LAMC2: variants seen among roughly 807,000 people sequenced by gnomAD.
The protein encoded by LAMC2 is laminin subunit gamma 2.
Under a neutral mutation model 140.2 loss-of-function variants are expected in LAMC2, and 97 were observed. The ratio of observed to expected loss-of-function variants is 0.69; its 90% confidence interval spans 0.59 to 0.82. LAMC2 has a LOEUF of 0.82. Ranked by LOEUF, LAMC2 falls within the 40% of genes least tolerant of loss-of-function variation. The pLI, the probability that LAMC2 is intolerant of heterozygous loss-of-function variation, is 0.00. For missense variants in LAMC2, 1,402 were observed against 1,476.1 expected, an observed-to-expected ratio of 0.95 and a Z score of 0.82; for synonymous variants, 513 against 540.2, an observed-to-expected ratio of 0.95 and a Z score of 0.70.
chr1:183,195,770 A>C (rs2477439), intron 1 of LAMC2, among the ~76,000 whole-genome samples: 47,243 of 152,010 alleles, frequency 0.31, 7,772 homozygotes, highest in East Asian at 0.43. Flanking sequence ...CTAGAAGCAG[A>C]TATTCACACA....
chr1:183,240,162 G>A lies in LAMC2; in HGVS notation c.3192G>A (p.Glu1064=), dbSNP rs1660087667. 6.2e-7 allele frequency: 1 copy of A among 1,614,232 alleles called. No individual in the cohort carries two copies. Among genetic ancestry groups the A allele is most frequent in the Non-Finnish European group, 8.5e-7 (1 of 1,180,040 alleles). Reference sequence around the variant, plus strand: ...TGGAAGGAGAGCTGGAAAGGAAGGAGCTGGAGTTTGACACGAATATGGATG... The same window carrying A: ...TGGAAGGAGAGCTGGAAAGGAAGGAACTGGAGTTTGACACGAATATGGATG... ...REVEGELERK[E]LEFDTNMDAV... The change falls in exon 21 of 23, where the codon GAG becomes GAA. Residue 1064 remains glutamate (E), a synonymous_variant. Transcript: ENST00000264144.
intron 3 of LAMC2, among the ~76,000 whole-genome samples, chr1:183,216,382 C>T (rs963030136): frequency 6.6e-6 from 1 of 152,202 alleles, no homozygotes; most frequent in African/African-American, 2.4e-5. Context: ...AAACATAACC[C>T]TCTGTTAGCT....
intron 6 of LAMC2, among the ~76,000 whole-genome samples, chr1:183,222,423 G>A (rs905241783): frequency 1.3e-5 from 2 of 152,162 alleles, no homozygotes; most frequent in Non-Finnish European, 2.9e-5. Flanking sequence ...TGGTGTCCCA[G>A]AGGTCAGACC....
rs1055390324 is a variant in LAMC2, at chr1:183,192,941, G to A, written c.79+6510G>A. Among the ~76,000 whole-genome samples the A allele has an allele frequency of 1.6e-4, 24 of 152,284 alleles. 1 individual carries two copies. Among genetic ancestry groups the A allele is most frequent in the Non-Finnish European group, 1.2e-4 (8 of 68,024 alleles). ...CGATGGTCTCAGGTCTCCTGACCTC[G>A]TGATCTGCCCGCCTCGGCCTCCCAA... On this transcript the variant is annotated intron_variant, in intron 1 of 22. Transcript: ENST00000264144.
intron 2 of LAMC2, among the ~76,000 whole-genome samples, chr1:183,211,786 G>A (rs1216779069): frequency 6.6e-6 from 1 of 152,156 alleles, no homozygotes. Context: ...GGTATTACAA[G>A]CATGAGCCAC....
chr1:183,244,772 A>G lies in LAMC2; in HGVS notation c.*1372A>G, dbSNP rs1571545642. On this transcript the variant is annotated 3_prime_UTR_variant, in exon 23 of 23. Coordinates refer to ENST00000264144, the MANE Select transcript of LAMC2 (RefSeq NM_005562.3). ...TGCAACAGACTGTTGAGTTATGATA[A>G]CACCAGTGGGAATTGCTGGAGGAAC... 6.6e-6 allele frequency: 1 copy of G among 152,614 alleles called. No homozygotes were observed. Among genetic ancestry groups the G allele is most frequent in the East Asian group, 1.9e-4 (1 of 5,194 alleles). 9.5% of individuals were successfully genotyped at this position (152,614 alleles called of 1,614,324 possible).
intron 22 of LAMC2, among the ~76,000 whole-genome samples, chr1:183,241,464 G>A (rs1284627628): frequency 1.3e-5 from 2 of 152,142 alleles, no homozygotes; most frequent in Non-Finnish European, 2.9e-5. Context: ...CTACAGAATC[G>A]CTCCCAAAAG....
intron 1 of LAMC2, among the ~76,000 whole-genome samples, chr1:183,200,898 T>A (rs1658686143): frequency 6.6e-6 from 1 of 152,186 alleles, no homozygotes. Flanking sequence ...TTATAATAAA[T>A]GCTTCAGTGC....
At position 183,226,856 on chromosome 1, in the gene LAMC2, C is replaced by A; in HGVS notation, c.1225C>A (p.Pro409Thr). The part of the protein sequence containing the change: ...GYKRDSARLG[P>T]FGTCIPCNCQ... Reference sequence around the variant, plus strand: ...CAAGAGAGATTCAGCGAGACTGGGGCCTTTTGGCACCTGTATTCCTTGTAA... The same window carrying A: ...CAAGAGAGATTCAGCGAGACTGGGGACTTTTGGCACCTGTATTCCTTGTAA... The change falls in exon 9 of 23, where the codon CCT (proline) becomes ACT (threonine). Residue 409 changes from proline (P) to threonine (T), a missense_variant. Pro to Thr is a conservative substitution (Grantham distance 38). Transcript: ENST00000264144. The A allele has an allele frequency of 1.2e-6, 2 of 1,614,082 alleles. No homozygotes were observed.
chr1:183,209,001 A>G (rs1333589957), intron 2 of LAMC2, among the ~76,000 whole-genome samples: 2 of 134,122 alleles, frequency 1.5e-5, no homozygotes, highest in Non-Finnish European at 3.1e-5. Context: ...TTTTTTTTTT[A>G]AAGTATCCCA....
intron 2 of LAMC2, among the ~76,000 whole-genome samples, chr1:183,214,852 C>A (rs1659201295): frequency 6.6e-6 from 1 of 152,074 alleles, no homozygotes; most frequent in Non-Finnish European, 1.5e-5. Flanking sequence ...GACCCATTTA[C>A]AACTAGGAGC....
intron 14 of LAMC2, 129 bp downstream of exon 14, chr1:183,232,986 G>A: frequency 1.1e-6 from 1 of 872,734 alleles, no homozygotes; most frequent in Non-Finnish European, 1.9e-6. Context: ...ACAGGTTGTT[G>A]GACTTCTTTT....
At chr1:183,196,821 A>G (rs1337994361) in intron 1 of LAMC2, among the ~76,000 whole-genome samples, 1 of 152,204 alleles carries the variant, frequency 6.6e-6, no homozygotes, top group Non-Finnish European at 1.5e-5. Context: ...GCCCACCATG[A>G]TGGTTTTCTT....
intron 22 of LAMC2, 46 bp from the exon 23 acceptor site, chr1:183,243,101 A>G (rs759377589): frequency 5.0e-6 from 8 of 1,612,114 alleles, no homozygotes; most frequent in African/African-American, 2.7e-5. Context: ...AAGGAGATCT[A>G]ACTACAGCTT....
At chr1:183,243,102 A>C (rs765161210) in intron 22 of LAMC2, 45 bp from the exon 23 acceptor site, 1 of 1,612,494 alleles carries the variant, frequency 6.2e-7, no homozygotes, top group Non-Finnish European at 8.5e-7. Context: ...AGGAGATCTA[A>C]CTACAGCTTT....
chr1:183,235,133 A>G lies in LAMC2; in HGVS notation c.2301-442A>G, dbSNP rs186902212. On this transcript the variant is annotated intron_variant, in intron 15 of 22. Transcript: ENST00000264144. ...GCACTTTTTAGAACCAGGAGGAACC[A>G]AAAGTATCCAGGGAATTTTTATAGA... Among the ~76,000 whole-genome samples, 14 of 152,304 alleles carry G rather than the reference A, an allele frequency of 9.2e-5. No homozygotes were observed. The East Asian group carries it at 2.5e-3, about 27-fold the overall frequency.
intron 6 of LAMC2, among the ~76,000 whole-genome samples, chr1:183,222,461 TG>T (rs560419161): frequency 6.8e-4 from 103 of 152,188 alleles, no homozygotes; most frequent in African/African-American, 2.5e-3. Flanking sequence ...TTTAATCAAA[TG>T]GGAAGTTTCT....
the LAMC2 span, chr1:183,252,081 G>A: frequency 1.3e-5 from 2 of 154,078 alleles, no homozygotes; most frequent in Non-Finnish European, 1.4e-5. Context: ...AGCACATCAA[G>A]ACTACAAACA....
chr1:183,187,834 C>T (rs1440440645), intron 1 of LAMC2, among the ~76,000 whole-genome samples: 1 of 152,196 alleles, frequency 6.6e-6, no homozygotes, highest in Non-Finnish European at 1.5e-5. Context: ...CTCAAGGCCA[C>T]ACAGGCAGAG....
Sources: gnomAD v4.1 joint callset for allele counts (sites outside exome capture counted in the v4.1 genomes callset) on GRCh38, gnomAD v4.1.1 for gene constraint, MANE v1.5 for transcripts, NCBI Gene and HGNC (gene_info 2026-07-23, HGNC 2026-07-21) for gene names.